Variants in BNC2 observed in about 807,000 individuals in gnomAD.
The protein encoded by BNC2 is zinc finger protein basonuclin-2.
Under a neutral mutation model 76.3 loss-of-function variants are expected in BNC2, and 20 were observed. That is an observed-to-expected ratio of 0.26 (90% CI 0.18 to 0.38). The LOEUF (loss-of-function observed/expected upper bound fraction) is 0.38, where lower values mean the gene tolerates loss of function less well. Among genes scored for constraint, BNC2 ranks in the 10% least tolerant of loss-of-function variants. The pLI is 1.00. For synonymous variants in BNC2, 582 were observed against 514.8 expected, an observed-to-expected ratio of 1.13 and a Z score of -1.77; for missense variants, 1,382 against 1,399.8, an observed-to-expected ratio of 0.99 and a Z score of 0.20.
intron 1 of BNC2, among the ~76,000 whole-genome samples, chr9:16,812,946 C>T (rs557560949): frequency 6.6e-6 from 1 of 152,126 alleles, no homozygotes; most frequent in Non-Finnish European, 1.5e-5. Flanking sequence ...CGGTGGCTCA[C>T]GTCTGTAATC....
At chr9:16,462,486 T>G (rs1045317594) in intron 5 of BNC2, among the ~76,000 whole-genome samples, 1 of 152,076 alleles carries the variant, frequency 6.6e-6, no homozygotes, top group Non-Finnish European at 1.5e-5. Context: ...TAACTCCTGC[T>G]GGCAAAATGA....
chr9:16,436,238 C>A lies in BNC2; in HGVS notation c.1956G>T (p.Glu652Asp), dbSNP rs1467393049. 1.2e-6 allele frequency: 2 copies of A among 1,614,044 alleles called. No homozygotes were observed. Among genetic ancestry groups the A allele is most frequent in the Non-Finnish European group, 1.7e-6 (2 of 1,180,034 alleles). ...IEKEIIDTAD[E>D]FDDEDDDPND... ...TGGGGTCATCATCTTCATCATCAAACTCATCGGCGGTATCAATAATTTCCT... is the reference window on the plus strand; with the variant it reads ...TGGGGTCATCATCTTCATCATCAAAATCATCGGCGGTATCAATAATTTCCT... The change falls in exon 6 of 7, where the codon GAG (glutamate) becomes GAT (aspartate). Residue 652 changes from glutamate to aspartate, a missense_variant. Physicochemically the swap from Glu to Asp is conservative, Grantham distance 45. Around this residue, in one of 3 missense-constraint regions of BNC2, gnomAD observed 798 missense variants for 775.5 expected, o/e 1.03. Transcript: ENST00000380672.
intron 3 of BNC2, among the ~76,000 whole-genome samples, chr9:16,620,936 G>GGTATA (rs1820849591): frequency 6.6e-6 from 1 of 152,088 alleles, no homozygotes; most frequent in Non-Finnish European, 1.5e-5. Flanking sequence ...TATACCTTAA[G>GGTATA]GCAGGGAAAC....
At chr9:16,661,545 T>G (rs935753346) in intron 3 of BNC2, among the ~76,000 whole-genome samples, 1 of 152,148 alleles carries the variant, frequency 6.6e-6, no homozygotes, top group Non-Finnish European at 1.5e-5. Context: ...TAAAGTTTAG[T>G]GTTATCAGTT....
chr9:16,435,274 A>G (rs1820982504), intron 6 of BNC2, among the ~76,000 whole-genome samples: 1 of 152,194 alleles, frequency 6.6e-6, no homozygotes, highest in South Asian at 2.1e-4. Context: ...TCACACCTAG[A>G]TGCATGAAAA....
chr9:16,504,779 C>T (rs1044646119), intron 5 of BNC2, among the ~76,000 whole-genome samples: 2 of 152,120 alleles, frequency 1.3e-5, no homozygotes, highest in Admixed American at 6.5e-5. Context: ...GCCAGCTGTT[C>T]GAGGTTGCAG....
chr9:16,782,054 AG>A (rs1297873384), intron 1 of BNC2, among the ~76,000 whole-genome samples: 1 of 151,988 alleles, frequency 6.6e-6, no homozygotes, highest in Admixed American at 6.6e-5. Context: ...TGGGAGGCCG[AG>A]GGGGGCGGAT....
rs1250177934 is a variant in BNC2 at position 16,412,968 on chromosome 9, G to A, written c.*6021C>T. On this transcript the variant is annotated 3_prime_UTR_variant, in exon 7 of 7. Transcript: ENST00000380672. ...AATAAGTAGCCAGGAGAGCTGGGCT[G>A]AAGCAGAGAGGGTGTTGTCTGCTGT... 1 of 152,708 alleles carries A rather than the reference G, an allele frequency of 6.5e-6. No homozygotes were observed. Among genetic ancestry groups the A allele is most frequent in the Non-Finnish European group, 1.5e-5 (1 of 68,090 alleles). The allele number at this position is 152,708 out of a possible 1,614,324, so 9.5% of individuals were successfully genotyped here. A position where few individuals can be genotyped will look rare whatever the true frequency, so the allele number is the denominator to read the frequency against.
chr9:16,795,634 T>C (rs1042610716), intron 1 of BNC2, among the ~76,000 whole-genome samples: 1 of 152,134 alleles, frequency 6.6e-6, no homozygotes, highest in African/African-American at 2.4e-5. Context: ...TCACACACAC[T>C]GCTCCAGAGA....
chr9:16,812,588 G>A (rs1271045194), intron 1 of BNC2, among the ~76,000 whole-genome samples: 1 of 152,122 alleles, frequency 6.6e-6, no homozygotes, highest in Non-Finnish European at 1.5e-5. Context: ...AGTCATTTTT[G>A]GAGTGTTTCA....
At chr9:16,429,133 T>C (rs1820857492) in intron 6 of BNC2, among the ~76,000 whole-genome samples, 1 of 152,166 alleles carries the variant, frequency 6.6e-6, no homozygotes, top group Admixed American at 6.5e-5. Context: ...GGCAAGCACA[T>C]TATTTCTGAG....
chr9:16,420,203 G>C (rs1001010310), intron 6 of BNC2, among the ~76,000 whole-genome samples: 1 of 151,942 alleles, frequency 6.6e-6, no homozygotes, highest in Non-Finnish European at 1.5e-5. Flanking sequence ...GAAATCTTCC[G>C]TCTCTACCCT....
chr9:16,464,940 C>T (rs1197960442), intron 5 of BNC2, among the ~76,000 whole-genome samples: 4 of 152,132 alleles, frequency 2.6e-5, no homozygotes, highest in African/African-American at 9.7e-5. Context: ...GTGATAGCTC[C>T]TCCTATGGCC....
At chr9:16,429,011 C>T (rs1022344308) in intron 6 of BNC2, among the ~76,000 whole-genome samples, 1 of 152,184 alleles carries the variant, frequency 6.6e-6, no homozygotes, top group African/African-American at 2.4e-5. Flanking sequence ...TCTTGGCACT[C>T]AAGAATCAAA....
At chr9:16,468,040 CTTTT>C (rs748053541) in intron 5 of BNC2, among the ~76,000 whole-genome samples, 17 of 129,534 alleles carry the variant, frequency 1.3e-4, no homozygotes, top group East Asian at 1.1e-3. Context: ...CTTTCTTTCT[CTTTT>C]TTTTTTTTTT....
chr9:16,747,439 T>C (rs1825043041), intron 1 of BNC2, among the ~76,000 whole-genome samples: 2 of 152,232 alleles, frequency 1.3e-5, no homozygotes, highest in Non-Finnish European at 2.9e-5. Context: ...TTATATTTAT[T>C]GAGCACCTGT....
intron 3 of BNC2, among the ~76,000 whole-genome samples, chr9:16,589,960 C>T (rs1428266727): frequency 2.6e-5 from 4 of 152,032 alleles, no homozygotes; most frequent in Non-Finnish European, 5.9e-5. Flanking sequence ...AAAAGCTAGT[C>T]ATTAACATAA....
chr9:16,499,372 A>G (rs1822469806), intron 5 of BNC2, among the ~76,000 whole-genome samples: 1 of 152,078 alleles, frequency 6.6e-6, no homozygotes, highest in Non-Finnish European at 1.5e-5. Flanking sequence ...ACTGTTAATT[A>G]ATTAAATATT....
At chr9:16,637,448 C>T (rs1821361062) in intron 3 of BNC2, among the ~76,000 whole-genome samples, 1 of 152,174 alleles carries the variant, frequency 6.6e-6, no homozygotes, top group African/African-American at 2.4e-5. Flanking sequence ...CAGGGGCAAG[C>T]CTCCGCCAGG....
Sources: allele counts gnomAD v4.1 joint callset (sites outside exome capture counted in the v4.1 genomes callset), GRCh38; gene constraint gnomAD v4.1.1; regional missense constraint gnomAD v4.1.1; transcripts MANE v1.5; gene names NCBI Gene and HGNC (gene_info 2026-07-23, HGNC 2026-07-21).